Variants in TTLL5 observed in about 807,000 individuals in gnomAD.
TTLL5 encodes tubulin tyrosine ligase like 5.
In TTLL5, 132 loss-of-function variants were observed where a neutral mutation model predicts 168.4. The ratio of observed to expected loss-of-function variants is 0.78; its 90% CI spans 0.68 to 0.91. The LOEUF is 0.91. Ranked by LOEUF, TTLL5 falls within the 40% of genes least tolerant of loss-of-function variation. The probability of loss-of-function intolerance (pLI) is 0.00; values close to 1 mark genes in which losing one functional copy is unlikely to be tolerated. For missense variants in TTLL5, 1,545 were observed against 1,581.5 expected (o/e 0.98, Z 0.39); for synonymous variants, 546 against 558.6 (o/e 0.98, Z 0.32).
intron 31 of TTLL5, chr14:75,930,712 A>C: frequency 1.1e-6 from 1 of 904,992 alleles, no homozygotes; most frequent in Non-Finnish European, 1.3e-6. Context: ...GTTCTGAGAG[A>C]AAGAAGCGAT....
intron 31 of TTLL5, among the ~76,000 whole-genome samples, chr14:75,949,786 GC>G (rs1405856249): frequency 2.0e-5 from 3 of 151,556 alleles, no homozygotes; most frequent in Admixed American, 1.3e-4. Context: ...GGAGATGGAA[GC>G]TGCAGTGAGC....
intron 29 of TTLL5, among the ~76,000 whole-genome samples, chr14:75,879,769 T>C (rs10467828): frequency 0.87 from 132,073 of 152,148 alleles, 57,409 homozygotes; most frequent in East Asian, 0.92. Flanking sequence ...TCTCTGCCTT[T>C]CATTGATGAC....
intron 20 of TTLL5, among the ~76,000 whole-genome samples, chr14:75,771,389 C>G (rs1355723769): frequency 2.6e-5 from 4 of 152,100 alleles, no homozygotes; most frequent in African/African-American, 9.7e-5. Flanking sequence ...GATTCCACCA[C>G]TACACTGCAG....
intron 31 of TTLL5, among the ~76,000 whole-genome samples, chr14:75,926,835 A>G (rs142739318): frequency 1.2e-3 from 189 of 152,346 alleles, no homozygotes; most frequent in African/African-American, 4.3e-3. Flanking sequence ...AAATGAAAAC[A>G]TATGTCCACA....
At chr14:75,889,134 G>A (rs1409481342) in intron 30 of TTLL5, among the ~76,000 whole-genome samples, 1 of 152,186 alleles carries the variant, frequency 6.6e-6, no homozygotes, top group Non-Finnish European at 1.5e-5. Context: ...AGGGAGGATT[G>A]CACAGAGATG....
intron 15 of TTLL5, among the ~76,000 whole-genome samples, chr14:75,738,619 C>G (rs2140245327): frequency 6.6e-6 from 1 of 152,070 alleles, no homozygotes; most frequent in South Asian, 2.1e-4. Context: ...TTAGTAAATA[C>G]CTAAGTATGC....
chr14:75,701,999 T>C (rs768089302), intron 7 of TTLL5, among the ~76,000 whole-genome samples: 3 of 152,224 alleles, frequency 2.0e-5, no homozygotes, highest in Non-Finnish European at 4.4e-5. Context: ...CCCACTTGTC[T>C]TTTCACATTG....
chr14:75,830,421 TAA>T (rs1895494775), intron 28 of TTLL5, among the ~76,000 whole-genome samples: 2 of 152,202 alleles, frequency 1.3e-5, no homozygotes. Context: ...TGAAAATCAC[TAA>T]GAGAGTAGAT....
At chr14:75,923,752 T>G (rs2033908555) in intron 31 of TTLL5, among the ~76,000 whole-genome samples, 1 of 152,218 alleles carries the variant, frequency 6.6e-6, no homozygotes, top group East Asian at 1.9e-4. Context: ...TGAGTTCAAG[T>G]CCTAGATGTC....
intron 31 of TTLL5, 92 bp downstream of exon 31, chr14:75,902,316 C>A: frequency 7.7e-7 from 1 of 1,296,540 alleles, no homozygotes; most frequent in Non-Finnish European, 1.1e-6. Flanking sequence ...AAGAGAGCCC[C>A]AGTTCAAAGA....
At position 75,663,145 on chromosome 14, in the gene TTLL5, A is replaced by G. The variant is rs780982086; in HGVS notation, c.-5A>G. 4 of 1,613,516 alleles carry G rather than the reference A, an allele frequency of 2.5e-6. No individual in the cohort carries two copies. Among genetic ancestry groups the G allele is most frequent in the Admixed American group, 1.7e-5 (1 of 59,964 alleles). ...CTGCTGACTGCATGACAAACCCTAA[A>G]GGAAATGCCAATCGTGATGGCCCGG... On this transcript the variant is annotated 5_prime_UTR_variant, in exon 2 of 32. Coordinates refer to ENST00000298832, the MANE Select transcript of TTLL5 (RefSeq NM_015072.5).
At position 75,690,224 on chromosome 14, in the gene TTLL5, A is replaced by G. The variant is rs1219730502; in HGVS notation, c.404A>G (p.Tyr135Cys). Reference sequence around the variant, plus strand: ...GAACTTACCCGGAAGGACCGACTGTACAAAAACATTATTCGAATGCAGCAT... The same window carrying G: ...GAACTTACCCGGAAGGACCGACTGTGCAAAAACATTATTCGAATGCAGCAT... ...SYELTRKDRL[Y>C]KNIIRMQHTH... Residue 135 changes from tyrosine to cysteine, a missense_variant, in exon 6 of 32, where the codon TAC becomes TGC. By Grantham distance (194) the Tyr-to-Cys change is radical (BLOSUM62 -2). Transcript: ENST00000298832. 6.2e-7 allele frequency: 1 copy of G among 1,613,612 alleles called. No homozygotes were observed. Among genetic ancestry groups the G allele is most frequent in the Non-Finnish European group, 8.5e-7 (1 of 1,179,816 alleles).
At chr14:75,802,692 G>A (rs539050871) in intron 27 of TTLL5, among the ~76,000 whole-genome samples, 5 of 152,306 alleles carry the variant, frequency 3.3e-5, no homozygotes, top group East Asian at 1.9e-4. Context: ...ATAGTCCTCA[G>A]CATGAAATAA....
intron 29 of TTLL5, among the ~76,000 whole-genome samples, chr14:75,871,135 G>T (rs1420138012): frequency 1.3e-5 from 2 of 152,114 alleles, no homozygotes; most frequent in Non-Finnish European, 2.9e-5. Flanking sequence ...TGATCTTAGT[G>T]TATTATTACA....
intron 31 of TTLL5, among the ~76,000 whole-genome samples, chr14:75,940,225 C>T (rs1309402945): frequency 1.3e-5 from 2 of 151,782 alleles, no homozygotes; most frequent in Non-Finnish European, 2.9e-5. Context: ...ACTACAGGCA[C>T]CCGCTACCAA....
At chr14:75,690,370 G>A (rs766783453) in intron 6 of TTLL5, 48 bp downstream of exon 6, 12 of 1,545,500 alleles carry the variant, frequency 7.8e-6, no homozygotes, top group Middle Eastern at 1.7e-4. Context: ...CTGAACCTGG[G>A]GAATATTTAC....
chr14:75,901,080 A>G (rs1310190878), intron 30 of TTLL5, among the ~76,000 whole-genome samples: 1 of 152,236 alleles, frequency 6.6e-6, no homozygotes, highest in East Asian at 1.9e-4. Context: ...TCTCTCAGGT[A>G]CAACTTTTAC....
At chr14:75,854,367 T>G (rs980287997) in intron 28 of TTLL5, among the ~76,000 whole-genome samples, 1 of 152,226 alleles carries the variant, frequency 6.6e-6, no homozygotes, top group African/African-American at 2.4e-5. Flanking sequence ...AGTTCATTCG[T>G]TTTTATTGAG....
At chr14:75,706,902 C>A in intron 7 of TTLL5, 116 bp from the exon 8 acceptor site, 4 of 844,300 alleles carry the variant, frequency 4.7e-6, no homozygotes, top group Non-Finnish European at 5.6e-6. Context: ...AAACTTTAAC[C>A]AGAATTTTAG....
Sources: allele counts gnomAD v4.1 joint callset (sites outside exome capture counted in the v4.1 genomes callset), GRCh38; gene constraint gnomAD v4.1.1; transcripts MANE v1.5; gene names NCBI Gene and HGNC (gene_info 2026-07-23, HGNC 2026-07-21).